The following SLC38A10 variants were observed in gnomAD, a reference collection of about 807,000 sequenced individuals.
The protein encoded by SLC38A10 is Sodium-coupled neutral amino acid transporter 10.
In SLC38A10, 53 loss-of-function variants were observed where a neutral mutation model predicts 81.0. The ratio of observed to expected loss-of-function variants is 0.65; its 90% CI spans 0.53 to 0.82. SLC38A10 has a LOEUF of 0.82. Among genes scored for constraint, SLC38A10 ranks in the 40% least tolerant of loss-of-function variants. The pLI, the probability that SLC38A10 is intolerant of heterozygous loss-of-function variation, is 0.00. For missense variants in SLC38A10, 1,471 were observed against 1,545.0 expected, an observed-to-expected ratio of 0.95 and a Z score of 0.80; for synonymous variants, 665 against 655.3, an observed-to-expected ratio of 1.01 and a Z score of -0.23.
rs1165922622 is a variant in SLC38A10, at chr17:81,276,289, T to G, written c.730-138A>C. The stretch of plus-strand genomic sequence containing the variant: ...TCAATCCACTTCATAATGAAGCTTC[T>G]GCAAGAGATGGCCTTCCAGGGGCAA... On this transcript the variant is annotated intron_variant, in intron 7 of 15. Coordinates refer to ENST00000374759, the MANE Select transcript of SLC38A10 (RefSeq NM_001037984.3). This position sits in a 1 kb window ranked among gnomAD's most constrained non-coding sequence, Gnocchi z 4.7. 2.8e-6 allele frequency: 2 copies of G among 702,648 alleles called. No homozygotes were observed. Among genetic ancestry groups the G allele is most frequent in the Non-Finnish European group, 4.4e-6 (2 of 456,796 alleles). 43.5% of individuals were successfully genotyped at this position (702,648 alleles called of 1,614,324 possible).
At chr17:81,287,520 G>A (rs2063277619) in intron 2 of SLC38A10, among the ~76,000 whole-genome samples, 1 of 152,358 alleles carries the variant, frequency 6.6e-6, no homozygotes, top group East Asian at 1.9e-4. Context: ...GGAGCAGCTG[G>A]GCCCAGGGGC....
Position 81,246,375 on chromosome 17 carries a change from A to G in SLC38A10, c.2541T>C (p.Thr847=). The G allele has an allele frequency of 6.2e-7, 1 of 1,601,708 alleles. No individual in the cohort carries two copies. Among genetic ancestry groups the G allele is most frequent in the Non-Finnish European group, 8.5e-7 (1 of 1,176,448 alleles). Reference sequence around the variant, plus strand: ...CCGGGCCCTTGGGGAGCTCCTTCACAGTGCCAGCTGCCCTGGGGGCGGCAT... The same window carrying G: ...CCGGGCCCTTGGGGAGCTCCTTCACGGTGCCAGCTGCCCTGGGGGCGGCAT... ...QKDAAPRAAG[T]VKELPKGPEQ... Residue 847 remains threonine, a synonymous_variant, in exon 16 of 16, where the codon ACT becomes ACC. Transcript: ENST00000374759.
In SLC38A10 at chr17:81,281,476, C is replaced by A. The variant is rs539749556; in HGVS notation, c.501+713G>T. Among the ~76,000 whole-genome samples, 15 of 152,226 alleles carry A rather than the reference C, an allele frequency of 9.9e-5. No homozygotes were observed. Among genetic ancestry groups the A allele is most frequent in the Admixed American group, 9.8e-4 (15 of 15,284 alleles). ...CCTAGTCCATCCTATTATAAATTCT[C>A]ATTTAGAAAAATAATAGCGGCCGGG... On this transcript the variant is annotated intron_variant, in intron 5 of 15. Transcript: ENST00000374759. This position sits in a 1 kb window ranked among gnomAD's most constrained non-coding sequence, Gnocchi z 5.3.
At chr17:81,266,087 AT>A (rs1234675341) in intron 10 of SLC38A10, among the ~76,000 whole-genome samples, 10 of 152,234 alleles carry the variant, frequency 6.6e-5, no homozygotes, top group African/African-American at 2.2e-4. Context: ...ACTAGAAGCC[AT>A]CCCAGAGTCA....
At chr17:81,257,230 C>A (rs1257418754) in intron 11 of SLC38A10, among the ~76,000 whole-genome samples, 1 of 152,180 alleles carries the variant, frequency 6.6e-6, no homozygotes, top group East Asian at 1.9e-4. Flanking sequence ...AGCGATCCTC[C>A]CACCTCAGCA....
At position 81,265,228 on chromosome 17, in the gene SLC38A10, C is replaced by CA; in HGVS notation, c.1132-4835dup. The CA allele has an allele frequency of 6.6e-6, 1 of 152,294 alleles. No individual in the cohort carries two copies. Among genetic ancestry groups the CA allele is most frequent in the Admixed American group, 6.5e-5 (1 of 15,296 alleles). The allele number at this position is 152,294 out of a possible 1,614,324, so 9.4% of individuals were successfully genotyped here. On this transcript the variant is annotated intron_variant, in intron 10 of 15. Coordinates refer to ENST00000374759, the MANE Select transcript of SLC38A10 (RefSeq NM_001037984.3). The surrounding 1 kb of genome is among the most constrained non-coding windows in gnomAD (Gnocchi z 4.2). ...TGAAACCGTGTCTCTACCAAAAATA[C>CA]AAAAAATTAGCCAGGTGTGGTGGCG... is the stretch of plus-strand genomic sequence containing the variant.
At chr17:81,249,998 C>T (rs111411153) in intron 14 of SLC38A10, 8 of 1,253,290 alleles carry the variant, frequency 6.4e-6, no homozygotes, top group African/African-American at 3.1e-5. Flanking sequence ...GGTGTGCCAC[C>T]GAGGGGCTGC....
rs750009079 is a variant in SLC38A10, at chr17:81,245,661, G to A, written c.3255C>T (p.Leu1085=). The change falls in exon 16 of 16, where the codon CTC becomes CTT. Residue 1085 remains leucine, a synonymous_variant. Transcript: ENST00000374759. ...NPLPDVQVND[L]RGALDAQLRQ... ...GGAGCTGGGCATCCAGGGCGCCACG[G>A]AGGTCGTTCACCTGGACATCAGGCA... is the stretch of plus-strand genomic sequence containing the variant. 3.1e-6 allele frequency: 5 copies of A among 1,611,262 alleles called. No homozygotes were observed. Among genetic ancestry groups the A allele is most frequent in the South Asian group, 1.1e-5 (1 of 90,926 alleles).
intron 14 of SLC38A10, among the ~76,000 whole-genome samples, chr17:81,248,449 TA>T (rs1456491422): frequency 6.6e-6 from 1 of 152,262 alleles, no homozygotes; most frequent in Non-Finnish European, 1.5e-5. Context: ...CTGCCCGGGT[TA>T]CGGCTGGCAC....
At chr17:81,275,655 C>G (rs1406092632) in intron 8 of SLC38A10, among the ~76,000 whole-genome samples, 1 of 144,212 alleles carries the variant, frequency 6.9e-6, no homozygotes, top group Non-Finnish European at 1.5e-5. Flanking sequence ...TGGCGTGAAC[C>G]CGGGAGGCGG....
rs72850645 is a variant in SLC38A10 at position 81,288,149 on chromosome 17, C to T, written c.217+1542G>A. On this transcript the variant is annotated intron_variant, in intron 2 of 15. Transcript: ENST00000374759. The surrounding 1 kb of genome is among the most constrained non-coding windows in gnomAD (Gnocchi z 5.4). ...TCCCCTCCGGTTCTGAGGGCCGAAA[C>T]GAACGCAGGACTCTCTGTGGCAACA... Among the ~76,000 whole-genome samples the T allele has an allele frequency of 0.042, 6,327 of 152,294 alleles. 185 individuals carry two copies. Among genetic ancestry groups the T allele is most frequent in the Middle Eastern group, 0.085 (25 of 294 alleles).
intron 10 of SLC38A10, among the ~76,000 whole-genome samples, chr17:81,261,841 G>A (rs113945879): frequency 0.03 from 4,566 of 152,300 alleles, 139 homozygotes; most frequent in African/African-American, 0.079. Flanking sequence ...AAGCGGTGAC[G>A]GCAGGCCTGC....
Position 81,270,655 on chromosome 17 carries a change from C to T in SLC38A10, c.1131+263G>A, listed in dbSNP as rs867773192. 1.1e-4 allele frequency among the ~76,000 whole-genome samples: 17 copies of T among 152,152 alleles called. No individual in the cohort carries two copies. Among genetic ancestry groups the T allele is most frequent in the African/African-American group, 3.6e-4 (15 of 41,444 alleles). ...CATCGCAGAAACACCATGGGGAAAG[C>T]GCTTACGACTCAGCTAAGTCGGCTC... On this transcript the variant is annotated intron_variant, in intron 10 of 15. Transcript: ENST00000374759. The surrounding 1 kb of genome is among the most constrained non-coding windows in gnomAD (Gnocchi z 4.0).
intron 3 of SLC38A10, 64 bp downstream of exon 3, chr17:81,284,786 G>A (rs1285240735): frequency 7.3e-6 from 10 of 1,360,602 alleles, no homozygotes; most frequent in South Asian, 4.4e-5. Context: ...CGCTCCCACC[G>A]GGAGGGTCCC....
Position 81,270,951 on chromosome 17 carries a change from G to A in SLC38A10, c.1098C>T (p.Tyr366=). 1.9e-6 allele frequency: 3 copies of A among 1,613,968 alleles called. No individual in the cohort carries two copies. The highest frequency in any genetic ancestry group is 1.7e-6 in the Non-Finnish European group (2 of 1,180,030). Residue 366 remains tyrosine, a synonymous_variant, in exon 10 of 16, where the codon TAC becomes TAT. Transcript: ENST00000374759. The surrounding 1 kb of genome is among the most constrained non-coding windows in gnomAD (Gnocchi z 4.0). ...AAAGTGCGTTCTTGTGGATTTTCTT[G>A]TAGATCAGCGCCGGGCAGATGAAGC... ...LICFICPALI[Y]KKIHKNALSS... is the part of the protein sequence containing the mutation.
rs200407214 is a variant in SLC38A10 at position 81,245,851 on chromosome 17, A to G, written c.3065T>C (p.Leu1022Pro). 2.1e-4 allele frequency: 337 copies of G among 1,611,944 alleles called. 1 individual carries two copies. In the African/African-American group the frequency reaches 3.5e-3, roughly 17 times the overall value. Residue 1022 changes from leucine to proline, a missense_variant, in exon 16 of 16, where the codon CTC becomes CCC. This residue lies in a region of SLC38A10 where 751 missense variants were observed against 717.4 expected (regional missense o/e 1.05). Coordinates refer to ENST00000374759, the MANE Select transcript of SLC38A10 (RefSeq NM_001037984.3). Reference protein sequence around the residue: ...PRQRPEPELGLKRAVPGGQRP... With the variant: ...PRQRPEPELGPKRAVPGGQRP... ...CTGGCCCCCCGGGACAGCTCGTTTGAGCCCCAGCTCTGGCTCTGGCCTCTG... is the reference window on the plus strand; with the variant it reads ...CTGGCCCCCCGGGACAGCTCGTTTGGGCCCCAGCTCTGGCTCTGGCCTCTG...
chr17:81,251,428 G>C, intron 14 of SLC38A10, 65 bp downstream of exon 14: 1 of 1,609,536 alleles, frequency 6.2e-7, no homozygotes. Flanking sequence ...CATCACCCCA[G>C]GGCTGGGGGA....
rs1157894987 is a variant in SLC38A10, at chr17:81,248,270, T to G, written c.2066-1209A>C. Among the ~76,000 whole-genome samples, 4 of 152,338 alleles carry G rather than the reference T, an allele frequency of 2.6e-5. No individual in the cohort carries two copies. In the East Asian group the frequency reaches 5.8e-4, roughly 22 times the overall value. ...CCGCACCCGGCCAAAAGCTGTCTTCTAAGGGGAGCATGGGAGCTGGAGCGT... is the reference window on the plus strand; with the variant it reads ...CCGCACCCGGCCAAAAGCTGTCTTCGAAGGGGAGCATGGGAGCTGGAGCGT... On this transcript the variant is annotated intron_variant, in intron 14 of 15. Transcript: ENST00000374759.
rs1426867918 is a variant in SLC38A10, at chr17:81,246,567, A to G, written c.2349T>C (p.Pro783=). The G allele has an allele frequency of 2.6e-6, 4 of 1,515,764 alleles. No individual in the cohort carries two copies. Among genetic ancestry groups the G allele is most frequent in the Admixed American group, 2.3e-5 (1 of 44,154 alleles). 93.9% of individuals were successfully genotyped at this position (1,515,764 alleles called of 1,614,324 possible). The change falls in exon 16 of 16, where the codon CCT becomes CCC. Residue 783 remains proline (P), a synonymous_variant. Transcript: ENST00000374759. The part of the protein sequence containing the change: ...VENLPPLPLD[P]VLRAPGGRPA... ...GGCGGCCCCCAGGAGCTCTGAGGAC[A>G]GGGTCCAAAGGCAGGGGAGGCAGAT... is the stretch of plus-strand genomic sequence containing the variant.
Sources: gnomAD v4.1 joint callset for allele counts (sites outside exome capture counted in the v4.1 genomes callset) on GRCh38, gnomAD v4.1.1 for gene constraint, gnomAD v4.1.1 regional missense constraint, Gnocchi (gnomAD v3.1) non-coding constraint, MANE v1.5 for transcripts, NCBI Gene and HGNC (gene_info 2026-07-23, HGNC 2026-07-21) for gene names.